SEPTIN7: variants seen among roughly 807,000 people sequenced by gnomAD.
SEPTIN7 encodes septin-7.
SEPTIN7 carries 10 observed loss-of-function variants against 63.3 expected under a neutral mutation model. The observed-to-expected ratio is 0.16, with a 90% CI of 0.10 to 0.27. The LOEUF (loss-of-function observed/expected upper bound fraction) is 0.27, where lower values mean the gene tolerates loss of function less well. SEPTIN7 is among the 10% of genes least tolerant of loss of function. The pLI, the probability that SEPTIN7 is intolerant of heterozygous loss-of-function variation, is 1.00. For missense variants in SEPTIN7, 310 were observed against 521.0 expected (o/e 0.59, Z 3.94); for synonymous variants, 131 against 165.3 (o/e 0.79, Z 1.59).
At chr7:35,816,441 G>T (rs1251985085) in intron 1 of SEPTIN7, among the ~76,000 whole-genome samples, 1 of 152,054 alleles carries the variant, frequency 6.6e-6, no homozygotes, top group Non-Finnish European at 1.5e-5. Flanking sequence ...ATATTATTCT[G>T]TTGTATATAT....
downstream of SEPTIN7, among the ~76,000 whole-genome samples, chr7:35,911,218 A>T (rs969453648): frequency 2.7e-4 from 41 of 152,356 alleles, no homozygotes; most frequent in African/African-American, 9.1e-4. Context: ...TGATAGCGGT[A>T]ATCACCACTG....
rs569615415 is a variant in SEPTIN7, at chr7:35,896,848, G to A, written c.999-1400G>A. The stretch of plus-strand genomic sequence containing the variant: ...ATTTTATTCTAATTTACGCAATTGC[G>A]AAAACAGATCATCTTAATTCATAGC... On this transcript the variant is annotated intron_variant, in intron 11 of 13. Coordinates refer to ENST00000350320, the MANE Select transcript of SEPTIN7 (RefSeq NM_001788.6). Among the ~76,000 whole-genome samples, 19 of 152,284 alleles carry A rather than the reference G, an allele frequency of 1.2e-4. No individual in the cohort carries two copies. The South Asian group carries it at 1.4e-3, about 12-fold the overall frequency.
intron 1 of SEPTIN7, among the ~76,000 whole-genome samples, chr7:35,809,329 A>G (rs555975749): frequency 6.6e-6 from 1 of 152,364 alleles, no homozygotes; most frequent in African/African-American, 2.4e-5. Flanking sequence ...TGTGGGAATC[A>G]TAAGGTTATT....
chr7:35,835,149 A>G (rs181465421), intron 3 of SEPTIN7, among the ~76,000 whole-genome samples: 1 of 152,314 alleles, frequency 6.6e-6, no homozygotes, highest in Admixed American at 6.5e-5. Flanking sequence ...ACCACATAGA[A>G]ATATGAGTCA....
At chr7:35,890,922 A>T (rs1355139202) in intron 11 of SEPTIN7, 129 bp downstream of exon 11, 2 of 705,072 alleles carry the variant, frequency 2.8e-6, no homozygotes, top group East Asian at 3.5e-5. Flanking sequence ...GCACAGCAGC[A>T]TAAATTTATA....
rs957863067 is a variant in SEPTIN7 at position 35,839,861 on chromosome 7, A to AT, written c.169+6968dup. Among the ~76,000 whole-genome samples, 193 of 152,022 alleles carry AT rather than the reference A, an allele frequency of 1.3e-3. 1 individual carries two copies. The highest frequency in any genetic ancestry group is 4.6e-3 in the African/African-American group (191 of 41,460). ...AGCCATTGCGCCTGACCTGTAATTT[A>AT]TTTTTTTACTGATGGACACTAGGTT... On this transcript the variant is annotated intron_variant, in intron 3 of 13. Transcript: ENST00000350320.
chr7:35,909,538 A>T (rs1451365179), downstream of SEPTIN7, among the ~76,000 whole-genome samples: 1 of 152,252 alleles, frequency 6.6e-6, no homozygotes. Context: ...TGTTTTAGAC[A>T]GTATTCAAAC....
chr7:35,869,842 G>A (rs1018541710), intron 4 of SEPTIN7, among the ~76,000 whole-genome samples: 7 of 152,122 alleles, frequency 4.6e-5, no homozygotes, highest in Non-Finnish European at 1.0e-4. Flanking sequence ...ATTTTTCAGG[G>A]AAAAACAGTT....
chr7:35,872,879 C>G, intron 5 of SEPTIN7, 113 bp downstream of exon 5: 1 of 705,854 alleles, frequency 1.4e-6, no homozygotes, highest in Non-Finnish European at 2.5e-6. Context: ...CACCAAACTT[C>G]AAGCAACATG....
chr7:35,912,692 A>G, the SEPTIN7 span, among the ~76,000 whole-genome samples: 1 of 152,224 alleles, frequency 6.6e-6, no homozygotes, highest in African/African-American at 2.4e-5. Context: ...GCCTCCAGAA[A>G]AAGAGACACA....
At chr7:35,889,718 A>G (rs1393221013) in intron 10 of SEPTIN7, among the ~76,000 whole-genome samples, 1 of 151,934 alleles carries the variant, frequency 6.6e-6, no homozygotes, top group Non-Finnish European at 1.5e-5. Flanking sequence ...TGATTTTTGT[A>G]TTTTTAGTAG....
At chr7:35,831,607 C>T (rs1179876981) in intron 2 of SEPTIN7, 111 bp downstream of exon 2, 2 of 301,348 alleles carry the variant, frequency 6.6e-6, no homozygotes, top group Admixed American at 5.1e-5. Flanking sequence ...ATGCATATTT[C>T]TAACTCCACT....
intron 3 of SEPTIN7, among the ~76,000 whole-genome samples, chr7:35,833,217 ATAGTTT>A (rs1783918805): frequency 6.6e-6 from 1 of 152,002 alleles, no homozygotes; most frequent in African/African-American, 2.4e-5. Context: ...CTACTCCAGG[ATAGTTT>A]TGTTTTCTGG....
intron 3 of SEPTIN7, among the ~76,000 whole-genome samples, chr7:35,859,963 A>G (rs1176995011): frequency 1.3e-5 from 2 of 152,142 alleles, no homozygotes; most frequent in Admixed American, 1.3e-4. Flanking sequence ...GGAGAGTTTA[A>G]TCAATTTACA....
chr7:35,832,255 T>G (rs1783868962), intron 2 of SEPTIN7: 1 of 342,748 alleles, frequency 2.9e-6, no homozygotes, highest in Non-Finnish European at 5.6e-6. Flanking sequence ...TGAATGATAC[T>G]GTAGCTGGTT....
At chr7:35,836,117 T>C (rs1347253998) in intron 3 of SEPTIN7, among the ~76,000 whole-genome samples, 1 of 152,170 alleles carries the variant, frequency 6.6e-6, no homozygotes, top group Non-Finnish European at 1.5e-5. Context: ...ATGGGGAGAT[T>C]AGAATTCTTG....
intron 3 of SEPTIN7, among the ~76,000 whole-genome samples, chr7:35,836,203 C>G (rs774664665): frequency 6.7e-6 from 1 of 148,152 alleles, no homozygotes; most frequent in South Asian, 2.1e-4. Flanking sequence ...GTTGTCTAAC[C>G]TGTTTGGCTT....
Position 35,841,206 on chromosome 7 carries a change from G to C in SEPTIN7, c.169+8306G>C, listed in dbSNP as rs191513438. On this transcript the variant is annotated intron_variant, in intron 3 of 13. Coordinates refer to ENST00000350320, the MANE Select transcript of SEPTIN7 (RefSeq NM_001788.6). ...ACTACACTTCAGCTTGGGCGACAGA[G>C]TGAGTGAGATTCTGTCTCAAACGTA... is the stretch of plus-strand genomic sequence containing the variant. 3.3e-5 allele frequency among the ~76,000 whole-genome samples: 5 copies of C among 152,076 alleles called. No individual in the cohort carries two copies. In the East Asian group the frequency reaches 9.7e-4, roughly 29 times the overall value.
intron 1 of SEPTIN7, among the ~76,000 whole-genome samples, chr7:35,830,509 C>T (rs1783779694): frequency 6.6e-6 from 1 of 152,038 alleles, no homozygotes; most frequent in South Asian, 2.1e-4. Flanking sequence ...TAAAAGCTCC[C>T]CCAAGTGATT....
Sources: gnomAD v4.1 joint callset for allele counts (sites outside exome capture counted in the v4.1 genomes callset) on GRCh38, gnomAD v4.1.1 for gene constraint, MANE v1.5 for transcripts, NCBI Gene and HGNC (gene_info 2026-07-23, HGNC 2026-07-21) for gene names.